PKIG: variants seen among roughly 807,000 people sequenced by gnomAD.
PKIG encodes cAMP-dependent protein kinase inhibitor gamma.
A neutral mutation model predicts 6.8 loss-of-function variants in PKIG; 1 was observed. That is an observed-to-expected ratio of 0.15 (90% CI 0.05 to 0.69). The LOEUF is 0.69. Ranked by LOEUF, PKIG falls within the 30% of genes least tolerant of loss-of-function variation. The probability of loss-of-function intolerance (pLI) is 0.82; values close to 1 mark genes in which losing one functional copy is unlikely to be tolerated. For synonymous variants in PKIG, 39 were observed against 43.0 expected (o/e 0.91, Z 0.36); for missense variants, 77 against 104.0 (o/e 0.74, Z 1.13).
chr20:44,613,692 C>T (rs1159784771), intron 2 of PKIG, among the ~76,000 whole-genome samples: 1 of 152,112 alleles, frequency 6.6e-6, no homozygotes, highest in Non-Finnish European at 1.5e-5. Flanking sequence ...TCCCACTGCC[C>T]CCCTCCTCCA....
At position 44,548,903 on chromosome 20, in the gene PKIG, CAT is replaced by C. The variant is rs1184403763; in HGVS notation, c.-241+16930_-241+16931del. 5.2e-3 allele frequency among the ~76,000 whole-genome samples: 421 copies of C among 81,260 alleles called. 4 individuals are homozygous for C. The highest frequency in any genetic ancestry group is 0.012 in the African/African-American group (174 of 14,732). 53.3% of individuals were successfully genotyped at this position (81,260 alleles called of 152,430 possible). On this transcript the variant is annotated intron_variant, in intron 1 of 4. Transcript: ENST00000372887. ...ACACACACACACACACACACACACACATATATCTGTCTGAGATAATAATTAGA... is the reference window on the plus strand; with the variant it reads ...ACACACACACACACACACACACACACATATCTGTCTGAGATAATAATTAGA...
intron 2 of PKIG, among the ~76,000 whole-genome samples, chr20:44,609,446 T>TTCTCAA (rs1191391271): frequency 6.6e-6 from 1 of 152,174 alleles, no homozygotes; most frequent in African/African-American, 2.4e-5. Context: ...ACGGAGGCCC[T>TTCTCAA]TCTCAACAGC....
intron 1 of PKIG, among the ~76,000 whole-genome samples, chr20:44,538,066 G>A (rs377078565): frequency 6.6e-6 from 1 of 152,024 alleles, no homozygotes; most frequent in Non-Finnish European, 1.5e-5. Flanking sequence ...ACAATATAAG[G>A]TATACAGTGT....
chr20:44,584,864 C>T (rs1011585455), intron 1 of PKIG, among the ~76,000 whole-genome samples: 2 of 152,058 alleles, frequency 1.3e-5, no homozygotes, highest in Admixed American at 6.5e-5. Flanking sequence ...GCTGGGATTA[C>T]AGGCGCCTGC....
chr20:44,565,839 T>C (rs987738732), intron 1 of PKIG, among the ~76,000 whole-genome samples: 6 of 152,186 alleles, frequency 3.9e-5, no homozygotes, highest in African/African-American at 1.4e-4. Context: ...CTCGGCTCAC[T>C]ACAACCTCCG....
At chr20:44,581,980 G>A (rs1453708136), upstream of PKIG, among the ~76,000 whole-genome samples, 4 of 152,192 alleles carry the variant, frequency 2.6e-5, no homozygotes, top group Non-Finnish European at 5.9e-5. Flanking sequence ...TGACTTGCTT[G>A]AGGTCATTCA....
intron 1 of PKIG, among the ~76,000 whole-genome samples, chr20:44,558,700 T>C (rs1282962042): frequency 6.6e-6 from 1 of 151,126 alleles, no homozygotes; most frequent in Admixed American, 6.6e-5. Context: ...TTTCTCTCTC[T>C]TCTCTTTCTT....
intron 1 of PKIG, among the ~76,000 whole-genome samples, chr20:44,577,305 G>T (rs552049783): frequency 6.6e-6 from 1 of 151,572 alleles, no homozygotes; most frequent in Non-Finnish European, 1.5e-5. Flanking sequence ...ATTTTTTTGT[G>T]TTTTTTTTAG....
intron 2 of PKIG, among the ~76,000 whole-genome samples, chr20:44,605,338 C>T (rs1600894793): frequency 1.5e-5 from 2 of 137,680 alleles, no homozygotes; most frequent in African/African-American, 2.8e-5. Context: ...ACCCAGGAGG[C>T]GGAGCTTGCA....
chr20:44,535,447 C>T (rs562721380), intron 1 of PKIG, among the ~76,000 whole-genome samples: 3 of 152,304 alleles, frequency 2.0e-5, no homozygotes, highest in African/African-American at 7.2e-5. Context: ...TTGAGACTAG[C>T]CTGGTCAACA....
chr20:44,612,056 A>G, intron 2 of PKIG, among the ~76,000 whole-genome samples: 1 of 152,108 alleles, frequency 6.6e-6, no homozygotes, highest in African/African-American at 2.4e-5. Context: ...CTTGGCTATT[A>G]TAAATAGTGC....
At chr20:44,602,955 G>A (rs746466438) in intron 2 of PKIG, among the ~76,000 whole-genome samples, 2 of 152,146 alleles carry the variant, frequency 1.3e-5, no homozygotes, top group Admixed American at 6.5e-5. Context: ...ACCCTATTGC[G>A]CGGGTATTGA....
intron 2 of PKIG, among the ~76,000 whole-genome samples, chr20:44,613,775 G>A (rs1255555780): frequency 2.0e-5 from 3 of 152,036 alleles, no homozygotes; most frequent in African/African-American, 4.8e-5. Flanking sequence ...GTGCCCGGCC[G>A]CCACAGTCAC....
chr20:44,601,318 G>A (rs1011117816), intron 2 of PKIG, among the ~76,000 whole-genome samples: 3 of 152,246 alleles, frequency 2.0e-5, no homozygotes, highest in African/African-American at 7.2e-5. Context: ...CCTCACCCAG[G>A]GCCACTCTTT....
At chr20:44,544,925 C>CTTTTTTTTTTTTTTTTTTTTTTTTTTTTT (rs796482642) in intron 1 of PKIG, among the ~76,000 whole-genome samples, 3 of 64,368 alleles carry the variant, frequency 4.7e-5, no homozygotes, top group Non-Finnish European at 5.6e-5. Flanking sequence ...TTCCTTCTTT[C>CTTTTTTTTTTTTTTTTTTTTTTTTTTTTT]TTTTTTTTTT....
chr20:44,600,767 G>T (rs1363925408), intron 2 of PKIG, among the ~76,000 whole-genome samples: 1 of 152,012 alleles, frequency 6.6e-6, no homozygotes, highest in Non-Finnish European at 1.5e-5. Context: ...GCGAGGTCAG[G>T]GATGGTCCTG....
At chr20:44,597,683 G>A (rs758937025) in intron 2 of PKIG, among the ~76,000 whole-genome samples, 5 of 152,276 alleles carry the variant, frequency 3.3e-5, no homozygotes, top group Non-Finnish European at 7.3e-5. Context: ...CTGCTTGGTG[G>A]CTGGGCATGC....
At chr20:44,561,599 A>C (rs112560397) in intron 1 of PKIG, among the ~76,000 whole-genome samples, 9,169 of 152,244 alleles carry the variant, frequency 0.06, 321 homozygotes, top group African/African-American at 0.093. Context: ...ACAAGTTCTA[A>C]TATGCATTTA....
In PKIG at chr20:44,618,652, G is replaced by T. The variant is rs1163945289; in HGVS notation, c.*288G>T. ...GAGCTGGCGCCGGGACTTGGGCGGG[G>T]CCTGCCCTACAGTGAGCAGCCCACA... On this transcript the variant is annotated 3_prime_UTR_variant, in exon 4 of 4. Coordinates refer to ENST00000372886, the MANE Select transcript of PKIG (RefSeq NM_001281445.2). The T allele has an allele frequency of 2.7e-6, 1 of 366,460 alleles. No individual in the cohort carries two copies. The highest frequency in any genetic ancestry group is 5.2e-6 in the Non-Finnish European group (1 of 190,950). 22.7% of individuals were successfully genotyped at this position (366,460 alleles called of 1,614,324 possible). A position where few individuals can be genotyped will look rare whatever the true frequency, so the allele number is the denominator to read the frequency against.
Sources: allele counts gnomAD v4.1 joint callset (sites outside exome capture counted in the v4.1 genomes callset), GRCh38; gene constraint gnomAD v4.1.1; transcripts MANE v1.5; gene names NCBI Gene and HGNC (gene_info 2026-07-23, HGNC 2026-07-21).